GPBP1: variants seen among roughly 807,000 people sequenced by gnomAD.
GPBP1 encodes the protein GC-rich promoter binding protein 1.
In GPBP1, 13 loss-of-function variants were observed where a neutral mutation model predicts 56.5. That is an observed-to-expected ratio of 0.23 (90% CI 0.15 to 0.37). GPBP1 has a LOEUF of 0.37. Ranked by LOEUF, GPBP1 falls within the 10% of genes least tolerant of loss-of-function variation. The probability of loss-of-function intolerance (pLI) is 1.00; values close to 1 mark genes in which losing one functional copy is unlikely to be tolerated. For synonymous variants in GPBP1, 204 were observed against 188.9 expected (o/e 1.08, Z -0.66); for missense variants, 477 against 572.3 (o/e 0.83, Z 1.70).
chr5:57,194,027 C>A (rs899344834), intron 2 of GPBP1, among the ~76,000 whole-genome samples: 1 of 152,172 alleles, frequency 6.6e-6, no homozygotes, highest in Non-Finnish European at 1.5e-5. Context: ...CTTTCTAATA[C>A]AAGTAGTAGC....
In GPBP1 at chr5:57,264,087, C is replaced by G. The variant is rs1394134164; in HGVS notation, c.*1335C>G. The G allele has an allele frequency of 2.0e-5, 3 of 151,972 alleles. No individual in the cohort carries two copies. In the East Asian group the frequency reaches 5.8e-4, roughly 29 times the overall value. 9.4% of individuals were successfully genotyped at this position (151,972 alleles called of 1,614,324 possible). On this transcript the variant is annotated 3_prime_UTR_variant, in exon 12 of 12. Transcript: ENST00000506184. ...CTGCATAAATACCCTACCTGGACTC[C>G]CCAGTTTTCACCAGAAACTGTTATT...
At chr5:57,201,852 A>G (rs1755036438) in intron 2 of GPBP1, among the ~76,000 whole-genome samples, 2 of 152,114 alleles carry the variant, frequency 1.3e-5, no homozygotes, top group South Asian at 4.1e-4. Context: ...TGAGAGAGAT[A>G]CTGTAGTGAA....
At chr5:57,238,550 C>G (rs764157355) in intron 6 of GPBP1, among the ~76,000 whole-genome samples, 1 of 151,984 alleles carries the variant, frequency 6.6e-6, no homozygotes, top group Non-Finnish European at 1.5e-5. Context: ...AAGAGTGAAA[C>G]TCCGTCTCAA....
chr5:57,188,852 C>T (rs889113742), intron 2 of GPBP1, among the ~76,000 whole-genome samples: 53 of 152,298 alleles, frequency 3.5e-4, no homozygotes, highest in South Asian at 4.1e-4. Context: ...GGCTAAAACA[C>T]GTGGGAATCA....
intron 2 of GPBP1, among the ~76,000 whole-genome samples, chr5:57,201,770 T>A (rs1040029590): frequency 1.1e-4 from 16 of 152,194 alleles, no homozygotes; most frequent in East Asian, 3.9e-4. Flanking sequence ...ATTTGGTTAC[T>A]TTCTGAAAAA....
intron 5 of GPBP1, among the ~76,000 whole-genome samples, chr5:57,234,433 G>A (rs1406526165): frequency 2.0e-5 from 3 of 152,188 alleles, no homozygotes; most frequent in Non-Finnish European, 2.9e-5. Context: ...GTGTTAACTA[G>A]TGATGACAAC....
Position 57,175,624 on chromosome 5 carries a change from G to A in GPBP1, c.-834G>A, listed in dbSNP as rs751273417. Reference sequence around the variant, plus strand: ...TTGATAGTAGTGAACAATTCAGCAAGCTACTTAAAAAGAGACCCAGGCAGC... The same window carrying A: ...TTGATAGTAGTGAACAATTCAGCAAACTACTTAAAAAGAGACCCAGGCAGC... On this transcript the variant is annotated 5_prime_UTR_variant, in exon 2 of 12. Coordinates refer to ENST00000506184, the MANE Select transcript of GPBP1 (RefSeq NM_022913.4). 7.6e-6 allele frequency: 3 copies of A among 396,902 alleles called. No individual in the cohort carries two copies. Among genetic ancestry groups the A allele is most frequent in the Admixed American group, 8.8e-5 (2 of 22,686 alleles). The allele number at this position is 396,902 out of a possible 1,614,324, so 24.6% of individuals were successfully genotyped here. A position where few individuals can be genotyped will look rare whatever the true frequency, so the allele number is the denominator to read the frequency against.
chr5:57,201,864 A>C (rs1198230627), intron 2 of GPBP1, among the ~76,000 whole-genome samples: 2 of 152,122 alleles, frequency 1.3e-5, no homozygotes, highest in African/African-American at 4.8e-5. Context: ...TGTAGTGAAA[A>C]AGTGGGCTTT....
chr5:57,229,975 C>CCCG (rs1554070454), intron 3 of GPBP1, among the ~76,000 whole-genome samples: 6 of 150,672 alleles, frequency 4.0e-5, no homozygotes, highest in Admixed American at 1.3e-4. Flanking sequence ...CCCGTCCCTT[C>CCCG]TCACATGCAA....
chr5:57,188,100 T>C lies in GPBP1; in HGVS notation c.-58+11700T>C, dbSNP rs138142200. Among the ~76,000 whole-genome samples, 481 of 151,868 alleles carry C rather than the reference T, an allele frequency of 3.2e-3. 4 individuals are homozygous for C. Among genetic ancestry groups the C allele is most frequent in the African/African-American group, 0.011 (457 of 41,422 alleles). On this transcript the variant is annotated intron_variant, in intron 2 of 11. Transcript: ENST00000506184. ...TCTACCAAAAAATACAAAAATTAAC[T>C]GGGCATGATTGTGCACGCCTGTAGT...
chr5:57,211,429 G>T (rs1371421201), intron 2 of GPBP1, among the ~76,000 whole-genome samples: 1 of 152,158 alleles, frequency 6.6e-6, no homozygotes, highest in Non-Finnish European at 1.5e-5. Context: ...GCTCAAGGGA[G>T]CCTCCCACTT....
intron 10 of GPBP1, among the ~76,000 whole-genome samples, chr5:57,258,597 A>G (rs571676221): frequency 2.6e-5 from 4 of 152,292 alleles, no homozygotes; most frequent in African/African-American, 7.2e-5. Context: ...TACGTGGCAC[A>G]TGTTTGTATG....
intron 2 of GPBP1, among the ~76,000 whole-genome samples, chr5:57,211,868 G>A (rs1561342192): frequency 2.0e-5 from 3 of 151,764 alleles, no homozygotes; most frequent in African/African-American, 4.8e-5. Flanking sequence ...CGTCGTGCTC[G>A]GCCATTACGT....
At chr5:57,257,354 A>T (rs1311679804) in intron 10 of GPBP1, among the ~76,000 whole-genome samples, 1 of 152,032 alleles carries the variant, frequency 6.6e-6, no homozygotes, top group East Asian at 1.9e-4. Context: ...TTTTTTAAGG[A>T]TAATGCTTTT....
chr5:57,249,651 G>A, intron 9 of GPBP1, 75 bp downstream of exon 9: 1 of 1,167,488 alleles, frequency 8.6e-7, no homozygotes, highest in Non-Finnish European at 1.2e-6. Flanking sequence ...TTAGGACCTT[G>A]GAATACATTT....
In GPBP1 at chr5:57,251,149, T is replaced by A; in HGVS notation, c.1160+8T>A. 1 of 1,580,562 alleles carries A rather than the reference T, an allele frequency of 6.3e-7. No individual in the cohort carries two copies. Among genetic ancestry groups the A allele is most frequent in the Non-Finnish European group, 8.6e-7 (1 of 1,166,800 alleles). Reference sequence around the variant, plus strand: ...ACTTGAGGCAGAACACAGGCTAGTATTTGTTTGTACTTTTTGCTCAGCATT... The same window carrying A: ...ACTTGAGGCAGAACACAGGCTAGTAATTGTTTGTACTTTTTGCTCAGCATT... On this transcript the variant is annotated splice_region_variant and intron_variant, in intron 10 of 11. Transcript: ENST00000506184.
intron 2 of GPBP1, among the ~76,000 whole-genome samples, chr5:57,208,908 G>A (rs2111737610): frequency 6.6e-6 from 1 of 151,856 alleles, no homozygotes; most frequent in Non-Finnish European, 1.5e-5. Flanking sequence ...ACCTGCCTGG[G>A]CCTCCCAAAG....
intron 3 of GPBP1, among the ~76,000 whole-genome samples, chr5:57,218,480 G>A (rs931097543): frequency 2.0e-5 from 3 of 152,186 alleles, no homozygotes; most frequent in African/African-American, 4.8e-5. Context: ...GTGGTGTGGT[G>A]TGTGGAGCTT....
intron 3 of GPBP1, among the ~76,000 whole-genome samples, chr5:57,226,729 C>CTTTTTT (rs70999067): frequency 5.2e-5 from 4 of 77,098 alleles, no homozygotes; most frequent in Non-Finnish European, 7.4e-5. Flanking sequence ...TTTTTGTATT[C>CTTTTTT]TTTTTTTTTT....
Sources: gnomAD v4.1 joint callset for allele counts (sites outside exome capture counted in the v4.1 genomes callset) on GRCh38, gnomAD v4.1.1 for gene constraint, MANE v1.5 for transcripts, NCBI Gene and HGNC (gene_info 2026-07-23, HGNC 2026-07-21) for gene names.